Variants in PATJ observed in about 807,000 individuals in gnomAD.
PATJ encodes the protein PATJ crumbs cell polarity complex component, also known as inaD-like protein.
In PATJ, 190 loss-of-function variants were observed where a neutral mutation model predicts 224.9. The observed-to-expected ratio is 0.84, with a 90% CI of 0.75 to 0.95. The LOEUF is 0.95. Among genes scored for constraint, PATJ ranks in the 40% least tolerant of loss-of-function variants. The probability of loss-of-function intolerance (pLI) is 0.00; values close to 1 mark genes in which losing one functional copy is unlikely to be tolerated. For missense variants in PATJ, 2,121 were observed against 2,270.3 expected (o/e 0.93, Z 1.34); for synonymous variants, 769 against 820.3 (o/e 0.94, Z 1.07).
At chr1:61,749,112 G>A (rs1309886019) in intron 1 of PATJ, among the ~76,000 whole-genome samples, 3 of 151,304 alleles carry the variant, frequency 2.0e-5, no homozygotes, top group Non-Finnish European at 4.4e-5. Flanking sequence ...AAGTAGCTGG[G>A]ATTCAGGTGC....
chr1:62,129,725 G>A (rs1486804652), intron 41 of PATJ, among the ~76,000 whole-genome samples: 1 of 152,158 alleles, frequency 6.6e-6, no homozygotes, highest in Non-Finnish European at 1.5e-5. Context: ...CGGATCACCT[G>A]AGGTCAGGAG....
chr1:61,871,437 G>GTATA (rs1403222381), intron 20 of PATJ, among the ~76,000 whole-genome samples: 16 of 107,356 alleles, frequency 1.5e-4, no homozygotes, highest in African/African-American at 2.1e-4. Flanking sequence ...ATATATATGT[G>GTATA]TATATACACA....
At chr1:61,998,248 T>A (rs1317746081) in intron 28 of PATJ, among the ~76,000 whole-genome samples, 1 of 131,788 alleles carries the variant, frequency 7.6e-6, no homozygotes, top group Non-Finnish European at 1.6e-5. Context: ...CCTGGCTAAT[T>A]TTTTTTTGTA....
chr1:61,963,219 ACACAACCAATC>A (rs1681572396), intron 27 of PATJ, among the ~76,000 whole-genome samples: 1 of 152,222 alleles, frequency 6.6e-6, no homozygotes, highest in African/African-American at 2.4e-5. Flanking sequence ...TTTACCAATA[ACACAACCAATC>A]AGTTAGGCAC....
chr1:61,959,433 TC>T (rs1307750445), intron 27 of PATJ, among the ~76,000 whole-genome samples: 906 of 32,328 alleles, frequency 0.028, 41 homozygotes, highest in African/African-American at 0.058. Flanking sequence ...ATATTTTTTT[TC>T]TTTTCTTTTT....
chr1:61,777,020 C>T lies in PATJ; in HGVS notation c.849+1686C>T, dbSNP rs146630565. Among the ~76,000 whole-genome samples, 77 of 152,244 alleles carry T rather than the reference C, an allele frequency of 5.1e-4. No individual in the cohort carries two copies. In the East Asian group the frequency reaches 0.013, roughly 26 times the overall value. On this transcript the variant is annotated intron_variant, in intron 7 of 43. Transcript: ENST00000642238. ...GATTACAGGCGTGAGCCACCGCACCCAGCCAAATCTGCTACTTTTTTATGT... is the reference window on the plus strand; with the variant it reads ...GATTACAGGCGTGAGCCACCGCACCTAGCCAAATCTGCTACTTTTTTATGT...
chr1:61,821,706 C>T (rs1657302939), intron 14 of PATJ, among the ~76,000 whole-genome samples: 1 of 151,934 alleles, frequency 6.6e-6, no homozygotes, highest in Non-Finnish European at 1.5e-5. Context: ...AGGGTTTTCT[C>T]CTTATAAAAT....
At chr1:61,801,925 C>CT (rs1036347925) in intron 12 of PATJ, among the ~76,000 whole-genome samples, 156 bp downstream of exon 12, 21 of 133,564 alleles carry the variant, frequency 1.6e-4, no homozygotes, top group Middle Eastern at 7.9e-3. Context: ...GACAGAGTTT[C>CT]TTTTTTTTTT....
chr1:61,782,445 A>C (rs1170233708), intron 7 of PATJ, among the ~76,000 whole-genome samples: 1 of 152,184 alleles, frequency 6.6e-6, no homozygotes, highest in Non-Finnish European at 1.5e-5. Flanking sequence ...ACTTTGTCCA[A>C]AGTAGAGCTA....
At chr1:61,780,268 A>G (rs1463789365) in intron 7 of PATJ, among the ~76,000 whole-genome samples, 2 of 152,198 alleles carry the variant, frequency 1.3e-5, no homozygotes, top group African/African-American at 4.8e-5. Flanking sequence ...GTTCGAGACC[A>G]GCCTGGCCAA....
intron 31 of PATJ, among the ~76,000 whole-genome samples, chr1:62,077,943 T>C (rs756285389): frequency 2.1e-4 from 32 of 152,210 alleles, no homozygotes; most frequent in Non-Finnish European, 4.3e-4. Flanking sequence ...ATTGAATGAA[T>C]TTATGGATGT....
At chr1:61,748,324 C>A (rs1008780385) in intron 1 of PATJ, among the ~76,000 whole-genome samples, 2 of 136,556 alleles carry the variant, frequency 1.5e-5, no homozygotes, top group African/African-American at 5.7e-5. Context: ...GCTTGATCTC[C>A]GCTCACTCCA....
rs554318943 is a variant in PATJ, at chr1:62,100,409, G to A, written c.4378-8028G>A. ...TCCTGTGACAGAAGTTGAAGGGCAAGTGAGCACATGAGGCAGAGAGGGAGG... is the reference window on the plus strand; with the variant it reads ...TCCTGTGACAGAAGTTGAAGGGCAAATGAGCACATGAGGCAGAGAGGGAGG... On this transcript the variant is annotated intron_variant, in intron 33 of 43. Transcript: ENST00000642238. 200 of 718,426 alleles carry A rather than the reference G, an allele frequency of 2.8e-4. 1 individual carries two copies. The African/African-American group carries it at 3.3e-3, about 12-fold the overall frequency. The allele number at this position is 718,426 out of a possible 1,614,324, so 44.5% of individuals were successfully genotyped here.
At chr1:61,832,426 A>G (rs1659505275) in intron 16 of PATJ, among the ~76,000 whole-genome samples, 1 of 152,088 alleles carries the variant, frequency 6.6e-6, no homozygotes, top group African/African-American at 2.4e-5. Context: ...TTTTGTTTAC[A>G]TTAAATTGCT....
chr1:61,898,629 C>T lies in PATJ; in HGVS notation c.3132-954C>T, dbSNP rs138760196. ...ACAACATCGGACTGATTTCATTTAG[C>T]GGTCCAAAGCCACACACCTATTTCA... On this transcript the variant is annotated intron_variant, in intron 22 of 43. Transcript: ENST00000642238. Among the ~76,000 whole-genome samples the T allele has an allele frequency of 2.0e-4, 30 of 152,238 alleles. No individual in the cohort carries two copies. In the East Asian group the frequency reaches 4.4e-3, roughly 23 times the overall value.
At chr1:62,112,977 T>C (rs915795502) in intron 34 of PATJ, among the ~76,000 whole-genome samples, 13 of 152,226 alleles carry the variant, frequency 8.5e-5, no homozygotes, top group African/African-American at 2.9e-4. Context: ...TGTGCCTCAG[T>C]TTCCTCCTCT....
At chr1:62,008,249 GATGGT>G (rs756813250) in intron 28 of PATJ, among the ~76,000 whole-genome samples, 1 of 152,154 alleles carries the variant, frequency 6.6e-6, no homozygotes, top group Non-Finnish European at 1.5e-5. Flanking sequence ...CACCATAAAG[GATGGT>G]ATTTGTGATG....
At chr1:61,898,082 T>TA (rs376538674) in intron 22 of PATJ, among the ~76,000 whole-genome samples, 51 of 152,314 alleles carry the variant, frequency 3.3e-4, no homozygotes, top group African/African-American at 1.1e-3. Context: ...TTATAAGACT[T>TA]ACTTAAGTTC....
At chr1:62,053,634 G>A (rs562673695) in intron 31 of PATJ, among the ~76,000 whole-genome samples, 35 of 152,142 alleles carry the variant, frequency 2.3e-4, no homozygotes, top group African/African-American at 5.8e-4. Context: ...CAGGAGAATC[G>A]CTTGAACCTG....
Sources: gnomAD v4.1 joint callset for allele counts (sites outside exome capture counted in the v4.1 genomes callset) on GRCh38, gnomAD v4.1.1 for gene constraint, MANE v1.5 for transcripts, NCBI Gene and HGNC (gene_info 2026-07-23, HGNC 2026-07-21) for gene names.